ACER2: variants seen among roughly 807,000 people sequenced by gnomAD.
ACER2 encodes the protein alkaline ceramidase 2.
A neutral mutation model predicts 34.7 loss-of-function variants in ACER2; 26 were observed. That is an observed-to-expected ratio of 0.75 (90% CI 0.55 to 1.04). ACER2 has a LOEUF of 1.04. Among genes scored for constraint, ACER2 ranks in the 50% least tolerant of loss-of-function variants. The probability of loss-of-function intolerance (pLI) is 0.00; values close to 1 mark genes in which losing one functional copy is unlikely to be tolerated. For synonymous variants in ACER2, 138 were observed against 132.1 expected, an observed-to-expected ratio of 1.04 and a Z score of -0.31; for missense variants, 352 against 340.8, an observed-to-expected ratio of 1.03 and a Z score of -0.26.
At chr9:19,415,794 C>G (rs1374803486) in intron 1 of ACER2, among the ~76,000 whole-genome samples, 4 of 151,978 alleles carry the variant, frequency 2.6e-5, no homozygotes, top group Non-Finnish European at 4.4e-5. Context: ...TTATATTTCT[C>G]AACATTATAA....
At chr9:19,411,019 A>G (rs947186897) in intron 1 of ACER2, among the ~76,000 whole-genome samples, 25 of 152,292 alleles carry the variant, frequency 1.6e-4, no homozygotes, top group African/African-American at 5.5e-4. Context: ...GAGAGGGTCA[A>G]CCTTGGTTAT....
In ACER2 at chr9:19,446,058, G is replaced by A. The variant is rs1318308325; in HGVS notation, c.504-223G>A. The A allele has an allele frequency of 1.7e-5, 13 of 743,394 alleles. No individual in the cohort carries two copies. The East Asian group carries it at 3.3e-4, about 19-fold the overall frequency. 46.0% of individuals were successfully genotyped at this position (743,394 alleles called of 1,614,324 possible). On this transcript the variant is annotated intron_variant, in intron 4 of 5. Coordinates refer to ENST00000340967, the MANE Select transcript of ACER2 (RefSeq NM_001010887.3). ...AAATGTAGTTGGGTGTATGAGTCTG[G>A]AGTCAGGAGAGAAGCCTGGGTGGGA... is the stretch of plus-strand genomic sequence containing the variant.
chr9:19,415,505 TAAATAAATAAATAAAC>T (rs1211266449), intron 1 of ACER2, among the ~76,000 whole-genome samples: 11 of 151,200 alleles, frequency 7.3e-5, no homozygotes, highest in Non-Finnish European at 1.5e-4. Context: ...AATAAATAAA[TAAATAAATAAATAAAC>T]AAATAAATAA....
At chr9:19,413,419 C>T (rs577954394) in intron 1 of ACER2, among the ~76,000 whole-genome samples, 3 of 152,038 alleles carry the variant, frequency 2.0e-5, no homozygotes, top group Non-Finnish European at 4.4e-5. Context: ...GCCAACACGG[C>T]GAAACCCCAT....
intron 1 of ACER2, among the ~76,000 whole-genome samples, chr9:19,412,141 T>G (rs114612638): frequency 0.03 from 4,565 of 152,298 alleles, 234 homozygotes; most frequent in African/African-American, 0.1. Context: ...AAAACTCCTG[T>G]CTTGGGATCA....
Position 19,447,046 on chromosome 9 carries a change from A to G in ACER2, c.641+628A>G, listed in dbSNP as rs1246666823. ...TAAGTTAAAAAAAAAAAAGCGGGTT[A>G]CAAAATACATGCAGAATCCGATTCT... On this transcript the variant is annotated intron_variant, in intron 5 of 5. Coordinates refer to ENST00000340967, the MANE Select transcript of ACER2 (RefSeq NM_001010887.3). 2.6e-5 allele frequency among the ~76,000 whole-genome samples: 4 copies of G among 151,702 alleles called. No homozygotes were observed. The East Asian group carries it at 7.7e-4, about 29-fold the overall frequency.
rs756381188 is a variant in ACER2 at position 19,450,526 on chromosome 9, G to A, written c.718G>A (p.Glu240Lys). ...CTTTGATGCTGCCTCAGAGATTCCTGAGCAAGGCCCTGTCATCAAGTTCTG... is the reference window on the plus strand; with the variant it reads ...CTTTGATGCTGCCTCAGAGATTCCTAAGCAAGGCCCTGTCATCAAGTTCTG... The part of the protein sequence containing the change: ...AYFDAASEIP[E>K]QGPVIKFWPN... The change falls in exon 6 of 6, where the codon GAG becomes AAG. Residue 240 changes from glutamate to lysine, a missense_variant. Glu to Lys is a moderately conservative substitution (Grantham distance 56). Coordinates refer to ENST00000340967, the MANE Select transcript of ACER2 (RefSeq NM_001010887.3). 7 of 1,612,390 alleles carry A rather than the reference G, an allele frequency of 4.3e-6. No homozygotes were observed. Among genetic ancestry groups the A allele is most frequent in the Non-Finnish European group, 5.9e-6 (7 of 1,178,746 alleles).
intron 4 of ACER2, among the ~76,000 whole-genome samples, chr9:19,440,767 G>T (rs1182708754): frequency 6.6e-6 from 1 of 152,118 alleles, no homozygotes; most frequent in Non-Finnish European, 1.5e-5. Flanking sequence ...ATATGTGGAT[G>T]ACTCCTAAAC....
intron 1 of ACER2, 81 bp from the exon 2 acceptor site, chr9:19,423,781 G>A: frequency 1.0e-6 from 1 of 998,484 alleles, no homozygotes; most frequent in Non-Finnish European, 1.6e-6. Context: ...AGTTTGCAAG[G>A]ACATACTTGG....
intron 3 of ACER2, among the ~76,000 whole-genome samples, chr9:19,426,352 CTCTCTT>C (rs1415610368): frequency 1.9e-4 from 23 of 123,246 alleles, no homozygotes; most frequent in African/African-American, 7.8e-4. Flanking sequence ...GTCTTTCTCC[CTCTCTT>C]TCTCTCTCTC....
intron 4 of ACER2, among the ~76,000 whole-genome samples, chr9:19,436,669 C>A (rs1279051083): frequency 2.0e-5 from 3 of 152,162 alleles, no homozygotes; most frequent in Non-Finnish European, 4.4e-5. Context: ...CAATACAGAT[C>A]TAGGTCCTCG....
At chr9:19,409,779 T>C (rs1830033067) in intron 1 of ACER2, 3 of 985,222 alleles carry the variant, frequency 3.0e-6, no homozygotes, top group South Asian at 4.7e-5. Flanking sequence ...TTTAGTGTCC[T>C]GTCTTGTGCA....
intron 3 of ACER2, among the ~76,000 whole-genome samples, chr9:19,426,199 C>T: frequency 6.6e-6 from 1 of 151,170 alleles, no homozygotes; most frequent in East Asian, 1.9e-4. Context: ...CCGCTTTTAC[C>T]TTTCATCTGA....
At chr9:19,430,406 G>A (rs73418102) in intron 3 of ACER2, among the ~76,000 whole-genome samples, 3,149 of 152,246 alleles carry the variant, frequency 0.021, 104 homozygotes, top group African/African-American at 0.072. Context: ...CAGGACCAGA[G>A]GCTGTCATCA....
intron 5 of ACER2, among the ~76,000 whole-genome samples, chr9:19,448,450 AATTT>A (rs1395563563): frequency 6.6e-6 from 1 of 152,040 alleles, no homozygotes; most frequent in Non-Finnish European, 1.5e-5. Flanking sequence ...GACACTTTAT[AATTT>A]ATTTAACCAA....
chr9:19,422,251 G>C (rs1020182019), intron 1 of ACER2, among the ~76,000 whole-genome samples: 1 of 151,620 alleles, frequency 6.6e-6, no homozygotes, highest in African/African-American at 2.4e-5. Context: ...CAGCAAGCTG[G>C]TCCCACCACT....
rs565458428 is a variant in ACER2 at position 19,414,647 on chromosome 9, G to C, written c.108+5455G>C. ...ACCCTACCCTGTCTCTACAAAAAAT[G>C]TGAAAATTAGCTGGACATGATGGCA... On this transcript the variant is annotated intron_variant, in intron 1 of 5. Coordinates refer to ENST00000340967, the MANE Select transcript of ACER2 (RefSeq NM_001010887.3). Among the ~76,000 whole-genome samples, 5 of 152,188 alleles carry C rather than the reference G, an allele frequency of 3.3e-5. No individual in the cohort carries two copies. The East Asian group carries it at 7.7e-4, about 23-fold the overall frequency.
intron 4 of ACER2, among the ~76,000 whole-genome samples, chr9:19,441,503 G>T (rs1248101038): frequency 6.6e-6 from 1 of 152,046 alleles, no homozygotes; most frequent in East Asian, 1.9e-4. Context: ...TTCTTCTGGG[G>T]ACCCTGCACC....
At chr9:19,409,783 T>C in intron 1 of ACER2, 2 of 985,336 alleles carry the variant, frequency 2.0e-6, no homozygotes, top group Middle Eastern at 5.2e-4. Flanking sequence ...GTGTCCTGTC[T>C]TGTGCAAGCC....
Sources: allele counts gnomAD v4.1 joint callset (sites outside exome capture counted in the v4.1 genomes callset), GRCh38; gene constraint gnomAD v4.1.1; transcripts MANE v1.5; gene names NCBI Gene and HGNC (gene_info 2026-07-23, HGNC 2026-07-21).